The following INSM2 variants were observed in gnomAD, a reference collection of about 807,000 sequenced individuals.
The protein encoded by INSM2 is INSM transcriptional repressor 2, also known as insulinoma-associated protein 2.
Under a neutral mutation model 30.5 loss-of-function variants are expected in INSM2, and 12 were observed. The observed-to-expected ratio is 0.39, with a 90% CI of 0.25 to 0.64. INSM2 has a LOEUF of 0.64. Among genes scored for constraint, INSM2 ranks in the 30% least tolerant of loss-of-function variants. The pLI is 0.47. For synonymous variants in INSM2, 418 were observed against 383.7 expected (o/e 1.09, Z -1.05); for missense variants, 773 against 819.2 (o/e 0.94, Z 0.69).
At position 35,535,645 on chromosome 14, in the gene INSM2, G is replaced by A. The variant is rs1455509602; in HGVS notation, c.1393G>A (p.Gly465Ser). 6.2e-7 allele frequency: 1 copy of A among 1,613,184 alleles called. No homozygotes were observed. Among genetic ancestry groups the A allele is most frequent in the Admixed American group, 1.7e-5 (1 of 60,032 alleles). Residue 465 changes from glycine (G) to serine (S), a missense_variant, in exon 1 of 1, where the codon GGT becomes AGT. Transcript: ENST00000307169. ...ALAPGFGSER[G>S]APLAFACPLC... ...AGCGCCGGGCTTTGGCTCCGAACGC[G>A]GTGCCCCACTTGCCTTCGCTTGCCC... is the stretch of plus-strand genomic sequence containing the variant.
chr14:35,535,984 G>T lies in INSM2; in HGVS notation c.*31G>T, dbSNP rs1426699258. The T allele has an allele frequency of 6.5e-7, 1 of 1,546,540 alleles. No homozygotes were observed. The highest frequency in any genetic ancestry group is 2.3e-5 in the East Asian group (1 of 44,342). ...GAGAGACCAGGATGATTTCGAGGTTGGCCTTAGAGGAAACAGATCATGGGA... is the reference window on the plus strand; with the variant it reads ...GAGAGACCAGGATGATTTCGAGGTTTGCCTTAGAGGAAACAGATCATGGGA... On this transcript the variant is annotated 3_prime_UTR_variant, in exon 1 of 1. Coordinates refer to ENST00000307169, the MANE Select transcript of INSM2 (RefSeq NM_032594.4).
At position 35,534,616 on chromosome 14, in the gene INSM2, CG is replaced by C; in HGVS notation, c.367del (p.Ala123ArgfsTer69). 6.9e-7 allele frequency: 1 copy of C among 1,448,036 alleles called. No homozygotes were observed. The highest frequency in any genetic ancestry group is 9.0e-7 in the Non-Finnish European group (1 of 1,111,270). 89.7% of individuals were successfully genotyped at this position (1,448,036 alleles called of 1,614,324 possible). A position where few individuals can be genotyped will look rare whatever the true frequency, so the allele number is the denominator to read the frequency against. On this transcript the variant is annotated frameshift_variant, in exon 1 of 1. Coordinates refer to ENST00000307169, the MANE Select transcript of INSM2 (RefSeq NM_032594.4). LOFTEE classifies it high-confidence loss of function. ...GAAGCCGGCAGGCGCAGAGCTGCGT[CG>C]GGCGTTCCTGGAGCGCTGCCTCAGC... ...PAKPAGAELRRAFLERCLSSP... is the reference protein window; with the variant it reads ...PAKPAGAELRXAFLERCLSSP...
rs763813197 is a variant in INSM2 at position 35,534,398 on chromosome 14, C to A, written c.146C>A (p.Ala49Glu). The change falls in exon 1 of 1, where the codon GCG becomes GAG. Residue 49 changes from alanine to glutamate, a missense_variant. Transcript: ENST00000307169. ...EEAPSASLPG[A>E]ERATPPTREE... ...GCTCCCAGCGCCTCCTTGCCCGGCG[C>A]GGAGCGGGCGACACCCCCCACCCGA... 2.6e-6 allele frequency: 4 copies of A among 1,526,596 alleles called. No homozygotes were observed. The highest frequency in any genetic ancestry group is 2.6e-6 in the Non-Finnish European group (3 of 1,142,938). 94.6% of individuals were successfully genotyped at this position (1,526,596 alleles called of 1,614,324 possible).
chr14:35,534,201 A>C lies in INSM2; in HGVS notation c.-52A>C, dbSNP rs2053576311. Reference sequence around the variant, plus strand: ...CTAGTTCATCTGCTGGCCGGCTCTCAGTCCCCGTGGCGCCCCCTTTCCTCT... The same window carrying C: ...CTAGTTCATCTGCTGGCCGGCTCTCCGTCCCCGTGGCGCCCCCTTTCCTCT... On this transcript the variant is annotated 5_prime_UTR_variant, in exon 1 of 1. Coordinates refer to ENST00000307169, the MANE Select transcript of INSM2 (RefSeq NM_032594.4). 3 of 1,542,962 alleles carry C rather than the reference A, an allele frequency of 1.9e-6. No individual in the cohort carries two copies. Among genetic ancestry groups the C allele is most frequent in the South Asian group, 2.4e-5 (2 of 81,844 alleles).
rs2053597475 is a variant in INSM2 at position 35,536,069 on chromosome 14, C to CT, written c.*116_*117insT. On this transcript the variant is annotated 3_prime_UTR_variant, in exon 1 of 1. Coordinates refer to ENST00000307169, the MANE Select transcript of INSM2 (RefSeq NM_032594.4). ...CTTTCATTCCTTCCTATGTTTTAATCCCCTAAAATTCTCCCTGTAGTCAAT... is the reference window on the plus strand; with the variant it reads ...CTTTCATTCCTTCCTATGTTTTAATCTCCCTAAAATTCTCCCTGTAGTCAAT... The CT allele has an allele frequency of 7.6e-7, 1 of 1,308,924 alleles. No homozygotes were observed. The highest frequency in any genetic ancestry group is 1.1e-6 in the Non-Finnish European group (1 of 947,902). 81.1% of individuals were successfully genotyped at this position (1,308,924 alleles called of 1,614,324 possible). A position where few individuals can be genotyped will look rare whatever the true frequency, so the allele number is the denominator to read the frequency against.
Position 35,535,027 on chromosome 14 carries a change from C to T in INSM2, c.775C>T (p.Pro259Ser), listed in dbSNP as rs201181990. 128 of 1,584,462 alleles carry T rather than the reference C, an allele frequency of 8.1e-5. No individual in the cohort carries two copies. The highest frequency in any genetic ancestry group is 1.7e-4 in the Middle Eastern group (1 of 5,940). ...PSRGLGGSRT[P>S]LGEFICQLCK... ...CCGGGGCTTGGGGGGCAGCCGCACG[C>T]CACTGGGGGAGTTCATCTGCCAGCT... Residue 259 changes from proline to serine, a missense_variant, in exon 1 of 1, where the codon CCA becomes TCA. Pro to Ser is a moderately conservative substitution (Grantham distance 74). Coordinates refer to ENST00000307169, the MANE Select transcript of INSM2 (RefSeq NM_032594.4).
In INSM2 at chr14:35,534,866, C is replaced by T. The variant is rs769090027; in HGVS notation, c.614C>T (p.Thr205Met). The T allele has an allele frequency of 6.4e-7, 1 of 1,573,132 alleles. No individual in the cohort carries two copies. The highest frequency in any genetic ancestry group is 8.6e-7 in the Non-Finnish European group (1 of 1,165,290). ...GGCGAGCGCCGCGGCAAGGCACCCA[C>T]GGACTGCGCGTCTGGACCCGCGGCC... is the stretch of plus-strand genomic sequence containing the variant. ...AGGERRGKAP[T>M]DCASGPAAAG... The change falls in exon 1 of 1, where the codon ACG becomes ATG. Residue 205 changes from threonine (T) to methionine (M), a missense_variant. Physicochemically the swap from Thr to Met is moderately conservative, Grantham distance 81 (BLOSUM62 -1). Coordinates refer to ENST00000307169, the MANE Select transcript of INSM2 (RefSeq NM_032594.4).
rs2053584704 is a variant in INSM2 at position 35,534,904 on chromosome 14, A to C, written c.652A>C (p.Lys218Gln). The change falls in exon 1 of 1, where the codon AAG becomes CAG. Residue 218 changes from lysine (K) to glutamine (Q), a missense_variant. By Grantham distance (53) the Lys-to-Gln change is moderately conservative. Coordinates refer to ENST00000307169, the MANE Select transcript of INSM2 (RefSeq NM_032594.4). The stretch of plus-strand genomic sequence containing the variant: ...TGGACCCGCGGCCGCGGGAATCAAG[A>C]AGCCAAAGGCCATGAGGAAGTTGAG... ...ASGPAAAGIK[K>Q]PKAMRKLSFA... The C allele has an allele frequency of 6.3e-7, 1 of 1,591,788 alleles. No individual in the cohort carries two copies. Among genetic ancestry groups the C allele is most frequent in the Non-Finnish European group, 8.5e-7 (1 of 1,172,266 alleles).
In INSM2 at chr14:35,535,755, C is replaced by T. The variant is rs1382364299; in HGVS notation, c.1503C>T (p.Pro501=). 18 of 1,613,470 alleles carry T rather than the reference C, an allele frequency of 1.1e-5. No homozygotes were observed. The highest frequency in any genetic ancestry group is 1.3e-5 in the African/African-American group (1 of 75,076). The change falls in exon 1 of 1, where the codon CCC becomes CCT. Residue 501 remains proline (P), a synonymous_variant. Transcript: ENST00000307169. ...WHAVREELLL[P]ALAGAPPETS... is the part of the protein sequence containing the mutation. ...CTGTCCGCGAGGAGCTGCTCCTGCCCGCTCTGGCGGGGGCTCCTCCCGAAA... is the reference window on the plus strand; with the variant it reads ...CTGTCCGCGAGGAGCTGCTCCTGCCTGCTCTGGCGGGGGCTCCTCCCGAAA...
In INSM2 at chr14:35,535,269, C is replaced by G; in HGVS notation, c.1017C>G (p.Ser339=). 6.2e-7 allele frequency: 1 copy of G among 1,613,468 alleles called. No homozygotes were observed. Among genetic ancestry groups the G allele is most frequent in the Non-Finnish European group, 8.5e-7 (1 of 1,179,928 alleles). ...AGCCGCCTTCTTCGTCGTCTTCGTC[C>G]TCCCGGGACTCCGGGGCCATTGCAT... The part of the protein sequence containing the change: ...DGKPPSSSSS[S]SRDSGAIASF... The change falls in exon 1 of 1, where the codon TCC becomes TCG. Residue 339 remains serine (S), a synonymous_variant. Coordinates refer to ENST00000307169, the MANE Select transcript of INSM2 (RefSeq NM_032594.4).
In INSM2 at chr14:35,534,976, A is replaced by AAGG; in HGVS notation, c.733_735dup (p.Glu245dup). The AAGG allele has an allele frequency of 6.4e-7, 1 of 1,564,532 alleles. No homozygotes were observed. The highest frequency in any genetic ancestry group is 1.2e-5 in the South Asian group (1 of 82,918). The stretch of plus-strand genomic sequence containing the variant: ...ATCCCCTGTCCTGGGCCTGAAGATC[A>AAGG]AGGAGGAGGAGCCCGGAGCGCCGTC... On this transcript the variant is annotated inframe_insertion, in exon 1 of 1. Coordinates refer to ENST00000307169, the MANE Select transcript of INSM2 (RefSeq NM_032594.4).
rs2053576531 is a variant in INSM2 at position 35,534,217 on chromosome 14, C to A, written c.-36C>A. The stretch of plus-strand genomic sequence containing the variant: ...CCGGCTCTCAGTCCCCGTGGCGCCC[C>A]CTTTCCTCTTGTCCCAGAGCGCTCT... On this transcript the variant is annotated 5_prime_UTR_variant, in exon 1 of 1. Transcript: ENST00000307169. 4 of 1,557,160 alleles carry A rather than the reference C, an allele frequency of 2.6e-6. No individual in the cohort carries two copies. The Admixed American group carries it at 7.8e-5, about 30-fold the overall frequency.
At position 35,535,045 on chromosome 14, in the gene INSM2, T is replaced by C. The variant is rs1347779027; in HGVS notation, c.793T>C (p.Cys265Arg). 1.3e-6 allele frequency: 2 copies of C among 1,588,068 alleles called. No homozygotes were observed. Among genetic ancestry groups the C allele is most frequent in the Non-Finnish European group, 1.7e-6 (2 of 1,166,740 alleles). ...GSRTPLGEFI[C>R]QLCKEQYADP... ...CCGCACGCCACTGGGGGAGTTCATCTGCCAGCTGTGCAAGGAGCAGTACGC... is the reference window on the plus strand; with the variant it reads ...CCGCACGCCACTGGGGGAGTTCATCCGCCAGCTGTGCAAGGAGCAGTACGC... Residue 265 changes from cysteine (C) to arginine (R), a missense_variant, in exon 1 of 1, where the codon TGC becomes CGC. By Grantham distance (180) the Cys-to-Arg change is radical. Coordinates refer to ENST00000307169, the MANE Select transcript of INSM2 (RefSeq NM_032594.4).
At position 35,534,711 on chromosome 14, in the gene INSM2, G is replaced by T; in HGVS notation, c.459G>T (p.Ala153=). 7.2e-7 allele frequency: 1 copy of T among 1,391,690 alleles called. No individual in the cohort carries two copies. Among genetic ancestry groups the T allele is most frequent in the Non-Finnish European group, 9.2e-7 (1 of 1,081,334 alleles). The allele number at this position is 1,391,690 out of a possible 1,614,324, so 86.2% of individuals were successfully genotyped here. A position where few individuals can be genotyped will look rare whatever the true frequency, so the allele number is the denominator to read the frequency against. Residue 153 remains alanine (A), a synonymous_variant, in exon 1 of 1, where the codon GCG becomes GCT. Coordinates refer to ENST00000307169, the MANE Select transcript of INSM2 (RefSeq NM_032594.4). ...TGGCCGCTTTCTCCTGCTCCGTGGC[G>T]CCAGCAGCCGCACCGACCCCGGGGG... is the stretch of plus-strand genomic sequence containing the variant. The part of the protein sequence containing the change: ...AAVAAFSCSV[A]PAAAPTPGEQ...
Position 35,534,657 on chromosome 14 carries a change from C to G in INSM2, c.405C>G (p.Ala135=). 1 of 1,411,374 alleles carries G rather than the reference C, an allele frequency of 7.1e-7. No individual in the cohort carries two copies. Among genetic ancestry groups the G allele is most frequent in the Non-Finnish European group, 9.1e-7 (1 of 1,095,678 alleles). The allele number at this position is 1,411,374 out of a possible 1,614,324, so 87.4% of individuals were successfully genotyped here. A position where few individuals can be genotyped will look rare whatever the true frequency, so the allele number is the denominator to read the frequency against. Residue 135 remains alanine, a synonymous_variant, in exon 1 of 1, where the codon GCC becomes GCG. Coordinates refer to ENST00000307169, the MANE Select transcript of INSM2 (RefSeq NM_032594.4). The stretch of plus-strand genomic sequence containing the variant: ...GCTGCCTCAGCTCGCCCGTCTCCGC[C>G]GAGTCTTTCCCCGGGGGCGCCGCCG... The part of the protein sequence containing the change: ...LERCLSSPVS[A]ESFPGGAAAV...
Position 35,535,533 on chromosome 14 carries a change from G to A in INSM2, c.1281G>A (p.Val427=). Residue 427 remains valine, a synonymous_variant, in exon 1 of 1, where the codon GTG becomes GTA. Coordinates refer to ENST00000307169, the MANE Select transcript of INSM2 (RefSeq NM_032594.4). ...GTGGCAGGGGATCCGAGATTTTCGT[G>A]TGCCCATATTGCCACAAAAAGTTTC... ...TSGGRGSEIF[V]CPYCHKKFRR... is the part of the protein sequence containing the mutation. 6.2e-7 allele frequency: 1 copy of A among 1,613,296 alleles called. No individual in the cohort carries two copies. Among genetic ancestry groups the A allele is most frequent in the South Asian group, 1.1e-5 (1 of 91,086 alleles).
At position 35,536,553 on chromosome 14, in the gene INSM2, T is replaced by A. The variant is rs2053602295; in HGVS notation, c.*600T>A. The A allele has an allele frequency of 6.0e-6, 1 of 167,152 alleles. No individual in the cohort carries two copies. Among genetic ancestry groups the A allele is most frequent in the South Asian group, 2.1e-4 (1 of 4,828 alleles). 10.4% of individuals were successfully genotyped at this position (167,152 alleles called of 1,614,324 possible). A position where few individuals can be genotyped will look rare whatever the true frequency, so the allele number is the denominator to read the frequency against. The stretch of plus-strand genomic sequence containing the variant: ...CCCCTGTAAACTTTCCTTTGCCCAA[T>A]TATATGTACATGTCCATTCTTAAGT... On this transcript the variant is annotated 3_prime_UTR_variant, in exon 1 of 1. Coordinates refer to ENST00000307169, the MANE Select transcript of INSM2 (RefSeq NM_032594.4).
rs763873112 is a variant in INSM2, at chr14:35,535,468, G to A, written c.1216G>A (p.Val406Met). Reference sequence around the variant, plus strand: ...GCCTCAGGGCCCCTACACGGAGGGGGTGTTGGGGCGCCGGGTACCTGTGCC... The same window carrying A: ...GCCTCAGGGCCCCTACACGGAGGGGATGTTGGGGCGCCGGGTACCTGTGCC... The part of the protein sequence containing the change: ...PLPQGPYTEG[V>M]LGRRVPVPGS... The change falls in exon 1 of 1, where the codon GTG becomes ATG. Residue 406 changes from valine to methionine, a missense_variant. By Grantham distance (21) the Val-to-Met change is conservative (BLOSUM62 1). Transcript: ENST00000307169. 13 of 1,613,176 alleles carry A rather than the reference G, an allele frequency of 8.1e-6. No homozygotes were observed. The highest frequency in any genetic ancestry group is 6.8e-6 in the Non-Finnish European group (8 of 1,179,958).
rs1389301844 is a variant in INSM2 at position 35,536,129 on chromosome 14, T to G, written c.*176T>G. 4 of 711,510 alleles carry G rather than the reference T, an allele frequency of 5.6e-6. No homozygotes were observed. The African/African-American group carries it at 7.2e-5, about 13-fold the overall frequency. 44.1% of individuals were successfully genotyped at this position (711,510 alleles called of 1,614,324 possible). ...GAGGAGCGGACAGTGAAATGTAATATCCCTCTCTAGAGCAGGTATGTATAT... is the reference window on the plus strand; with the variant it reads ...GAGGAGCGGACAGTGAAATGTAATAGCCCTCTCTAGAGCAGGTATGTATAT... On this transcript the variant is annotated 3_prime_UTR_variant, in exon 1 of 1. Transcript: ENST00000307169.
Sources: gnomAD v4.1 joint callset for allele counts on GRCh38, gnomAD v4.1.1 for gene constraint, MANE v1.5 for transcripts, NCBI Gene and HGNC (gene_info 2026-07-23, HGNC 2026-07-21) for gene names.